LY86: variants seen among roughly 807,000 people sequenced by gnomAD.
The protein encoded by LY86 is MD-1, RP105-associated.
A neutral mutation model predicts 17.3 loss-of-function variants in LY86; 20 were observed. The ratio of observed to expected loss-of-function variants is 1.15; its 90% CI spans 0.81 to 1.68. LY86 has a LOEUF of 1.68. LY86 is among the 40% of genes most tolerant of loss of function. LY86 has a pLI of 0.00. For missense variants in LY86, 200 were observed against 191.9 expected, an observed-to-expected ratio of 1.04 and a Z score of -0.25; for synonymous variants, 74 against 70.6, an observed-to-expected ratio of 1.05 and a Z score of -0.24.
intron 1 of LY86, among the ~76,000 whole-genome samples, chr6:6,613,295 C>T (rs112713912): frequency 0.051 from 7,727 of 152,330 alleles, 275 homozygotes; most frequent in African/African-American, 0.094. Flanking sequence ...AGCCCTTGTG[C>T]AGTCTAGGGG....
At chr6:6,598,292 CATTT>C (rs1402085654) in intron 1 of LY86, among the ~76,000 whole-genome samples, 2 of 152,144 alleles carry the variant, frequency 1.3e-5, no homozygotes, top group Non-Finnish European at 2.9e-5. Context: ...TTATTCAACT[CATTT>C]TTTTTCTTAA....
At chr6:6,613,615 C>T (rs538497201) in intron 1 of LY86, among the ~76,000 whole-genome samples, 5 of 152,328 alleles carry the variant, frequency 3.3e-5, no homozygotes, top group East Asian at 1.9e-4. Flanking sequence ...CCCGGGTTCC[C>T]GCCTGCGCTT....
At chr6:6,594,055 A>T (rs1342715910) in intron 1 of LY86, among the ~76,000 whole-genome samples, 1 of 152,204 alleles carries the variant, frequency 6.6e-6, no homozygotes, top group Non-Finnish European at 1.5e-5. Flanking sequence ...GGTCAGATAG[A>T]GTTCTGGATT....
intron 1 of LY86, among the ~76,000 whole-genome samples, chr6:6,602,133 C>T (rs1024129414): frequency 1.3e-5 from 2 of 152,214 alleles, no homozygotes; most frequent in South Asian, 2.1e-4. Flanking sequence ...ATTTTACCAT[C>T]ACCACCCTCT....
intron 4 of LY86, among the ~76,000 whole-genome samples, chr6:6,650,601 G>A (rs965487665): frequency 3.3e-5 from 5 of 152,154 alleles, no homozygotes; most frequent in African/African-American, 1.2e-4. Flanking sequence ...CCAAAGTGCT[G>A]GGATTACAGG....
At chr6:6,623,599 C>T (rs1385152243) in intron 1 of LY86, among the ~76,000 whole-genome samples, 1 of 152,122 alleles carries the variant, frequency 6.6e-6, no homozygotes, top group Admixed American at 6.5e-5. Context: ...TGAGAAACAG[C>T]CCCAATATAT....
chr6:6,615,875 C>CA (rs1046047036), intron 1 of LY86, among the ~76,000 whole-genome samples: 3 of 151,946 alleles, frequency 2.0e-5, no homozygotes, highest in African/African-American at 4.8e-5. Context: ...AATAATAATA[C>CA]AAAAAAGATG....
At chr6:6,607,128 G>A (rs1428868625) in intron 1 of LY86, among the ~76,000 whole-genome samples, 52 of 152,262 alleles carry the variant, frequency 3.4e-4, no homozygotes, top group Non-Finnish European at 4.4e-5. Context: ...ACAGAGGAGG[G>A]GCTGGTGAGT....
intron 1 of LY86, among the ~76,000 whole-genome samples, chr6:6,605,512 G>A (rs1761086846): frequency 6.6e-6 from 1 of 152,222 alleles, no homozygotes; most frequent in Non-Finnish European, 1.5e-5. Context: ...CCTTGCCATG[G>A]GGGGTCTCCC....
Position 6,626,290 on chromosome 6 carries a change from C to G in LY86, c.224-3C>G. ...AGTAAAGCTGTTCTTCTCTTTCCTC[C>G]AGGAGAGGACATCAAAGAGCTTTTT... On this transcript the variant is annotated splice_polypyrimidine_tract_variant and splice_region_variant and intron_variant, in intron 2 of 4. Coordinates refer to ENST00000230568, the MANE Select transcript of LY86 (RefSeq NM_004271.4). 1 of 1,613,536 alleles carries G rather than the reference C, an allele frequency of 6.2e-7. No homozygotes were observed. Among genetic ancestry groups the G allele is most frequent in the Non-Finnish European group, 8.5e-7 (1 of 1,179,864 alleles).
chr6:6,636,546 A>G (rs1437513972), intron 3 of LY86, among the ~76,000 whole-genome samples: 1 of 152,230 alleles, frequency 6.6e-6, no homozygotes, highest in Non-Finnish European at 1.5e-5. Context: ...CAGTGGAGTC[A>G]TTGAGGCTTA....
At chr6:6,649,512 C>T in intron 3 of LY86, 113 bp from the exon 4 acceptor site, 3 of 646,984 alleles carry the variant, frequency 4.6e-6, no homozygotes, top group South Asian at 1.9e-5. Context: ...GCAATAGCTG[C>T]TCTTATTTTG....
At position 6,588,889 on chromosome 6, in the gene LY86, C is replaced by CCCA; in HGVS notation, c.136+20_136+22dup. On this transcript the variant is annotated intron_variant, in intron 1 of 4. Transcript: ENST00000230568. The stretch of plus-strand genomic sequence containing the variant: ...AGTTGCGGTAAGCCCTTGCAGTACA[C>CCCA]CCATGTGTGTTTATGGGGAAAGCAA... The CCCA allele has an allele frequency of 6.2e-7, 1 of 1,611,202 alleles. No homozygotes were observed. Among genetic ancestry groups the CCCA allele is most frequent in the Non-Finnish European group, 8.5e-7 (1 of 1,177,892 alleles).
chr6:6,640,738 A>C (rs1053457468), intron 3 of LY86, among the ~76,000 whole-genome samples: 1 of 152,122 alleles, frequency 6.6e-6, no homozygotes, highest in African/African-American at 2.4e-5. Flanking sequence ...ACAAAAAAAA[A>C]AGAAAAAGAA....
At chr6:6,588,941 T>G (rs1290281240) in intron 1 of LY86, 71 bp downstream of exon 1, 2 of 1,525,930 alleles carry the variant, frequency 1.3e-6, no homozygotes, top group Admixed American at 1.9e-5. Context: ...CCGCTAGTGC[T>G]CAGTTGGAGT....
At chr6:6,610,232 G>A (rs917182565) in intron 1 of LY86, among the ~76,000 whole-genome samples, 1 of 152,218 alleles carries the variant, frequency 6.6e-6, no homozygotes, top group East Asian at 1.9e-4. Context: ...ACGTGGTTCT[G>A]TAAGATGTTA....
At chr6:6,619,646 C>T (rs1373277879) in intron 1 of LY86, among the ~76,000 whole-genome samples, 2 of 152,222 alleles carry the variant, frequency 1.3e-5, no homozygotes, top group African/African-American at 2.4e-5. Flanking sequence ...TACCTAACAT[C>T]CTCCTGGGGC....
At chr6:6,617,483 A>C (rs143135795) in intron 1 of LY86, among the ~76,000 whole-genome samples, 1 of 152,368 alleles carries the variant, frequency 6.6e-6, no homozygotes, top group East Asian at 1.9e-4. Context: ...AGAGATTTAG[A>C]GTATATATAA....
chr6:6,601,448 C>T (rs1433753282), intron 1 of LY86, among the ~76,000 whole-genome samples: 5 of 152,300 alleles, frequency 3.3e-5, no homozygotes, highest in African/African-American at 1.2e-4. Flanking sequence ...AGAGGCCGGG[C>T]GCGGTGGCTC....
Sources: allele counts gnomAD v4.1 joint callset (sites outside exome capture counted in the v4.1 genomes callset), GRCh38; gene constraint gnomAD v4.1.1; transcripts MANE v1.5; gene names NCBI Gene and HGNC (gene_info 2026-07-23, HGNC 2026-07-21).